COL5A2: variants seen among roughly 807,000 people sequenced by gnomAD.
COL5A2 encodes the protein collagen type V alpha 2 chain.
In COL5A2, 23 loss-of-function variants were observed where a neutral mutation model predicts 208.2. The ratio of observed to expected loss-of-function variants is 0.11; its 90% CI spans 0.08 to 0.16. The LOEUF is 0.16. COL5A2 is among the 10% of genes least tolerant of loss of function. The probability of loss-of-function intolerance (pLI) is 1.00; values close to 1 mark genes in which losing one functional copy is unlikely to be tolerated. For synonymous variants in COL5A2, 625 were observed against 628.5 expected (o/e 0.99, Z 0.08); for missense variants, 1,590 against 1,956.4 (o/e 0.81, Z 3.53).
the COL5A2 span, among the ~76,000 whole-genome samples, chr2:189,384,927 C>A: frequency 6.6e-6 from 1 of 152,240 alleles, no homozygotes; most frequent in Admixed American, 6.5e-5. Context: ...TGTCTAAATT[C>A]ATATTAAACA....
chr2:189,401,143 T>A, the COL5A2 span, among the ~76,000 whole-genome samples: 4 of 152,148 alleles, frequency 2.6e-5, no homozygotes, highest in South Asian at 2.1e-4. Flanking sequence ...GCTACACAGA[T>A]CATCCCATCA....
the COL5A2 span, among the ~76,000 whole-genome samples, chr2:189,231,894 G>A: frequency 6.6e-6 from 1 of 151,668 alleles, no homozygotes; most frequent in Non-Finnish European, 1.5e-5. Context: ...ATCTTCCTGG[G>A]AAAGCTGAGG....
chr2:189,078,850 G>T (rs189774373), intron 15 of COL5A2, among the ~76,000 whole-genome samples: 7 of 152,280 alleles, frequency 4.6e-5, no homozygotes, highest in Admixed American at 2.6e-4. Flanking sequence ...GCATTCAACC[G>T]TTAAGAGAAA....
chr2:189,277,405 T>A, the COL5A2 span, among the ~76,000 whole-genome samples: 1 of 151,958 alleles, frequency 6.6e-6, no homozygotes, highest in African/African-American at 2.4e-5. Context: ...AAATAACAGG[T>A]TGAAAACGCA....
At chr2:189,371,776 G>A in the COL5A2 span, among the ~76,000 whole-genome samples, 1 of 152,162 alleles carries the variant, frequency 6.6e-6, no homozygotes, top group Admixed American at 6.5e-5. Context: ...TATTTAAAAG[G>A]GAAGCAGATT....
chr2:189,305,660 C>A, the COL5A2 span, among the ~76,000 whole-genome samples: 2 of 152,086 alleles, frequency 1.3e-5, no homozygotes, highest in South Asian at 4.2e-4. Context: ...AGCTGCTTTG[C>A]CTACTTATGC....
chr2:189,095,846 G>C (rs1156251467), intron 6 of COL5A2: 1 of 151,474 alleles, frequency 6.6e-6, no homozygotes, highest in Non-Finnish European at 1.5e-5. Context: ...ATCTAGGAGA[G>C]ACATCTGGAG....
intron 1 of COL5A2, among the ~76,000 whole-genome samples, chr2:189,113,012 T>A (rs1687313601): frequency 6.6e-6 from 1 of 152,224 alleles, no homozygotes; most frequent in South Asian, 2.1e-4. Flanking sequence ...CTTACAAATG[T>A]TAAATGCTAT....
chr2:189,239,563 G>T, the COL5A2 span, among the ~76,000 whole-genome samples: 1 of 137,482 alleles, frequency 7.3e-6, no homozygotes, highest in Non-Finnish European at 1.5e-5. Context: ...GTTGGGAATT[G>T]AACAATGAGA....
intron 49 of COL5A2, among the ~76,000 whole-genome samples, chr2:189,041,901 G>C (rs1559074891): frequency 6.6e-6 from 1 of 152,156 alleles, no homozygotes; most frequent in Non-Finnish European, 1.5e-5. Flanking sequence ...CATGGTAAAA[G>C]ACAAATATGA....
At chr2:189,423,781 A>C in the COL5A2 span, among the ~76,000 whole-genome samples, 1 of 152,288 alleles carries the variant, frequency 6.6e-6, no homozygotes, top group Admixed American at 6.5e-5. Flanking sequence ...AATTCTACCA[A>C]ACCTTTAAAG....
chr2:189,131,476 T>C (rs1305592393), intron 1 of COL5A2, among the ~76,000 whole-genome samples: 1 of 152,184 alleles, frequency 6.6e-6, no homozygotes, highest in Non-Finnish European at 1.5e-5. Flanking sequence ...AAAAATGTCT[T>C]AATGAATTAG....
chr2:189,070,021 T>C (rs1008591308), intron 18 of COL5A2, among the ~76,000 whole-genome samples: 2 of 152,204 alleles, frequency 1.3e-5, no homozygotes, highest in African/African-American at 4.8e-5. Context: ...GTGGTTAAGG[T>C]AACTTAATAG....
intron 2 of COL5A2, among the ~76,000 whole-genome samples, chr2:189,107,120 A>G (rs73051219): frequency 0.051 from 7,662 of 151,552 alleles, 241 homozygotes; most frequent in East Asian, 0.1. Flanking sequence ...ATGTTCAAGA[A>G]GAGGATTTAA....
chr2:189,431,910 T>G, the COL5A2 span, among the ~76,000 whole-genome samples: 1 of 151,834 alleles, frequency 6.6e-6, no homozygotes, highest in African/African-American at 2.4e-5. Flanking sequence ...TTCACCAAGG[T>G]AGAAATGAAG....
the COL5A2 span, chr2:189,311,324 G>C: frequency 7.3e-6 from 8 of 1,100,230 alleles, no homozygotes; most frequent in Non-Finnish European, 8.2e-6. Context: ...TATCTGGCAG[G>C]TGGTGGTGTT....
the COL5A2 span, among the ~76,000 whole-genome samples, chr2:189,241,050 A>G: frequency 5.4e-3 from 828 of 152,286 alleles, 7 homozygotes; most frequent in African/African-American, 0.019. Context: ...ACGCAAAGTT[A>G]ATGTGTTAAA....
chr2:189,312,383 G>T, the COL5A2 span, among the ~76,000 whole-genome samples: 1 of 152,124 alleles, frequency 6.6e-6, no homozygotes, highest in Non-Finnish European at 1.5e-5. Flanking sequence ...CCCAGAAGCT[G>T]GTGGAGCGGG....
chr2:189,435,892 G>A, the COL5A2 span, among the ~76,000 whole-genome samples: 643 of 152,166 alleles, frequency 4.2e-3, 2 homozygotes, highest in African/African-American at 0.015. Flanking sequence ...TGTTTATTGC[G>A]GCACTATTCA....
Sources: gnomAD v4.1 joint callset for allele counts (sites outside exome capture counted in the v4.1 genomes callset) on GRCh38, gnomAD v4.1.1 for gene constraint, MANE v1.5 for transcripts, NCBI Gene and HGNC (gene_info 2026-07-23, HGNC 2026-07-21) for gene names.